Variants in SLC1A2 observed in about 807,000 individuals in gnomAD.
SLC1A2 encodes the protein excitatory amino acid transporter 2.
In SLC1A2, 15 loss-of-function variants were observed where a neutral mutation model predicts 48.8. The ratio of observed to expected loss-of-function variants is 0.31; its 90% CI spans 0.21 to 0.47. The LOEUF (loss-of-function observed/expected upper bound fraction) is 0.47. SLC1A2 is among the 20% of genes least tolerant of loss of function. SLC1A2 has a pLI of 0.99. For synonymous variants in SLC1A2, 279 were observed against 272.6 expected (o/e 1.02, Z -0.23); for missense variants, 502 against 730.5 (o/e 0.69, Z 3.61).
intron 1 of SLC1A2, among the ~76,000 whole-genome samples, chr11:35,399,324 A>C (rs16927465): frequency 0.21 from 31,407 of 152,052 alleles, 3,478 homozygotes; most frequent in East Asian, 0.27. Flanking sequence ...TAAAGCAAGC[A>C]TAGTTAAGTA....
At chr11:35,377,074 C>G (rs1296839983) in intron 1 of SLC1A2, among the ~76,000 whole-genome samples, 1 of 152,184 alleles carries the variant, frequency 6.6e-6, no homozygotes, top group African/African-American at 2.4e-5. Context: ...TGTATGTCCC[C>G]CCTTCCAATG....
upstream of SLC1A2, chr11:35,420,408 C>T (rs1197031490): frequency 6.6e-6 from 1 of 152,264 alleles, no homozygotes; most frequent in Non-Finnish European, 1.5e-5. Flanking sequence ...TAGGGTCCCA[C>T]TACTTGCCGA....
intron 1 of SLC1A2, among the ~76,000 whole-genome samples, chr11:35,317,837 C>T (rs1484592775): frequency 6.6e-6 from 1 of 152,156 alleles, no homozygotes; most frequent in African/African-American, 2.4e-5. Flanking sequence ...GTTGCAAAGG[C>T]TAAAATAGAG....
At chr11:35,349,241 A>C (rs180806234) in intron 1 of SLC1A2, among the ~76,000 whole-genome samples, 2 of 152,186 alleles carry the variant, frequency 1.3e-5, no homozygotes, top group Admixed American at 1.3e-4. Flanking sequence ...CAGGGTAAAA[A>C]CCAGCGCCAA....
At chr11:35,265,363 C>A in intron 10 of SLC1A2, 164 bp downstream of exon 10, 1 of 580,716 alleles carries the variant, frequency 1.7e-6, no homozygotes, top group Non-Finnish European at 3.0e-6. Context: ...ATGTTAGACA[C>A]AGAATTAGAT....
chr11:35,309,553 T>C (rs1382349821), intron 4 of SLC1A2, among the ~76,000 whole-genome samples: 1 of 152,198 alleles, frequency 6.6e-6, no homozygotes, highest in Non-Finnish European at 1.5e-5. Flanking sequence ...GGACTTAACT[T>C]GGGCAAACCA....
chr11:35,304,508 C>T (rs781428350), intron 5 of SLC1A2, among the ~76,000 whole-genome samples: 2 of 152,146 alleles, frequency 1.3e-5, no homozygotes, highest in African/African-American at 4.8e-5. Context: ...AACTCTCCTT[C>T]CTACTCCTCG....
chr11:35,386,398 G>A (rs533595207), intron 1 of SLC1A2, among the ~76,000 whole-genome samples: 3 of 152,152 alleles, frequency 2.0e-5, no homozygotes, highest in South Asian at 2.1e-4. Flanking sequence ...ACCTGTAGAC[G>A]TTGACACCCT....
At chr11:35,377,131 G>A (rs988115680) in intron 1 of SLC1A2, among the ~76,000 whole-genome samples, 2 of 152,072 alleles carry the variant, frequency 1.3e-5, no homozygotes, top group African/African-American at 4.8e-5. Context: ...CTCATTTAGC[G>A]CTCACTACAT....
intron 1 of SLC1A2, among the ~76,000 whole-genome samples, chr11:35,335,920 C>T (rs1852614024): frequency 6.6e-6 from 1 of 152,164 alleles, no homozygotes; most frequent in African/African-American, 2.4e-5. Context: ...CAGACATCCT[C>T]CCACAGAAGA....
intron 1 of SLC1A2, chr11:35,322,655 C>T: frequency 6.5e-7 from 1 of 1,533,996 alleles, no homozygotes; most frequent in Non-Finnish European, 8.7e-7. Context: ...CCAGAGATTG[C>T]CCTACTGGAA....
intron 1 of SLC1A2, among the ~76,000 whole-genome samples, chr11:35,324,878 A>C (rs1381273415): frequency 6.6e-6 from 1 of 152,180 alleles, no homozygotes; most frequent in Non-Finnish European, 1.5e-5. Context: ...TAAGACACCA[A>C]GTAACAATGA....
chr11:35,303,421 G>T (rs1851410659), intron 5 of SLC1A2, among the ~76,000 whole-genome samples: 1 of 152,156 alleles, frequency 6.6e-6, no homozygotes, highest in Non-Finnish European at 1.5e-5. Context: ...GGTCTGGAAA[G>T]ACAAAGGCTT....
At chr11:35,276,162 C>T (rs919920702) in intron 9 of SLC1A2, among the ~76,000 whole-genome samples, 1 of 152,202 alleles carries the variant, frequency 6.6e-6, no homozygotes. Flanking sequence ...AACCTAGACT[C>T]TTGCTTCCAA....
At chr11:35,314,719 A>G (rs1461665173) in intron 3 of SLC1A2, among the ~76,000 whole-genome samples, 1 of 151,946 alleles carries the variant, frequency 6.6e-6, no homozygotes, top group Non-Finnish European at 1.5e-5. Flanking sequence ...TCTCAAAAAA[A>G]AAAAAAATTT....
rs558283736 is a variant in SLC1A2 at position 35,410,818 on chromosome 11, C to T, written c.17+8132G>A. Among the ~76,000 whole-genome samples the T allele has an allele frequency of 5.3e-4, 81 of 152,224 alleles. 1 individual carries two copies. Among genetic ancestry groups the T allele is most frequent in the Non-Finnish European group, 8.2e-4 (56 of 68,008 alleles). ...CCTTGTGGGTGGGCAGGCTTTGGTG[C>T]GACTGTTTCAACCTCTCCCTCTGCC... is the stretch of plus-strand genomic sequence containing the variant. On this transcript the variant is annotated intron_variant, in intron 1 of 10. Transcript: ENST00000278379.
At chr11:35,378,889 G>A (rs1854327644) in intron 1 of SLC1A2, among the ~76,000 whole-genome samples, 1 of 152,222 alleles carries the variant, frequency 6.6e-6, no homozygotes, top group African/African-American at 2.4e-5. Context: ...AGAAGATGGA[G>A]GGGTAAGTCT....
chr11:35,403,050 C>T (rs916319450), intron 1 of SLC1A2, among the ~76,000 whole-genome samples: 1 of 152,176 alleles, frequency 6.6e-6, no homozygotes, highest in African/African-American at 2.4e-5. Context: ...CATCTAAGCT[C>T]AACAGACTAA....
intron 1 of SLC1A2, among the ~76,000 whole-genome samples, chr11:35,382,939 C>T (rs771312336): frequency 6.6e-6 from 1 of 152,158 alleles, no homozygotes; most frequent in Non-Finnish European, 1.5e-5. Flanking sequence ...ACTGATCCTG[C>T]TTTTCCTACC....
Sources: gnomAD v4.1 joint callset for allele counts (sites outside exome capture counted in the v4.1 genomes callset) on GRCh38, gnomAD v4.1.1 for gene constraint, MANE v1.5 for transcripts, NCBI Gene and HGNC (gene_info 2026-07-23, HGNC 2026-07-21) for gene names.